The following FBXO38 variants were observed in gnomAD, a reference collection of about 807,000 sequenced individuals.
FBXO38 encodes F-box only protein 38.
A neutral mutation model predicts 131.9 loss-of-function variants in FBXO38; 53 were observed. The observed-to-expected ratio is 0.40, with a 90% CI of 0.32 to 0.51. The LOEUF is 0.51. Among genes scored for constraint, FBXO38 ranks in the 20% least tolerant of loss-of-function variants. FBXO38 has a pLI of 0.53. For missense variants in FBXO38, 1,076 were observed against 1,475.6 expected, an observed-to-expected ratio of 0.73 and a Z score of 4.44; for synonymous variants, 452 against 505.6, an observed-to-expected ratio of 0.89 and a Z score of 1.42.
intron 14 of FBXO38, among the ~76,000 whole-genome samples, chr5:148,426,024 C>T (rs1386097877): frequency 6.6e-6 from 1 of 152,118 alleles, no homozygotes; most frequent in African/African-American, 2.4e-5. Flanking sequence ...GCTGAGTCAT[C>T]CAGAGCAATG....
Position 148,406,193 on chromosome 5 carries a change from C to T in FBXO38, c.731-64C>T, listed in dbSNP as rs1468994739. The T allele has an allele frequency of 3.0e-5, 43 of 1,416,722 alleles. No individual in the cohort carries two copies. The South Asian group carries it at 3.1e-4, about 10-fold the overall frequency. The allele number at this position is 1,416,722 out of a possible 1,614,324, so 87.8% of individuals were successfully genotyped here. On this transcript the variant is annotated intron_variant, in intron 6 of 21. Transcript: ENST00000340253. ...GTTTATAAGTTATACATGTCTTTCA[C>T]TGATTTGAAATTCATTTTAAGGCAC...
At chr5:148,441,780 T>C (rs1754698014) in intron 21 of FBXO38, among the ~76,000 whole-genome samples, 189 bp from the exon 22 acceptor site, 2 of 152,214 alleles carry the variant, frequency 1.3e-5, no homozygotes, top group Admixed American at 1.3e-4. Context: ...CCTTGAGACT[T>C]TAAGCATGTA....
intron 20 of FBXO38, 111 bp from the exon 21 acceptor site, chr5:148,441,013 A>G: frequency 2.7e-6 from 2 of 752,150 alleles, no homozygotes; most frequent in Non-Finnish European, 4.8e-6. Context: ...ATTTGAGGAC[A>G]CCTGACTCAC....
Position 148,427,664 on chromosome 5 carries a change from G to A in FBXO38, c.2370G>A (p.Arg790=). The change falls in exon 15 of 22, where the codon AGG becomes AGA. Residue 790 remains arginine, a synonymous_variant. Transcript: ENST00000340253. ...RPQESQRRTS[R]CSDEERPSTS... is the part of the protein sequence containing the mutation. ...AGGAATCCCAAAGGAGAACTAGCAGGTGTTCTGATGAGGAACGTCCTTCAA... is the reference window on the plus strand; with the variant it reads ...AGGAATCCCAAAGGAGAACTAGCAGATGTTCTGATGAGGAACGTCCTTCAA... The A allele has an allele frequency of 6.2e-7, 1 of 1,614,196 alleles. No individual in the cohort carries two copies. The highest frequency in any genetic ancestry group is 8.5e-7 in the Non-Finnish European group (1 of 1,180,030).
rs753301882 is a variant in FBXO38 at position 148,410,653 on chromosome 5, C to A, written c.981C>A (p.Ile327=). Residue 327 remains isoleucine, a synonymous_variant, in exon 9 of 22, where the codon ATC becomes ATA. Coordinates refer to ENST00000340253, the MANE Select transcript of FBXO38 (RefSeq NM_205836.3). ...TTCACAGGTTACATGAAGTTCGGAT[C>A]CAGCCTTCCCTAACCAAAGATGGTG... is the stretch of plus-strand genomic sequence containing the variant. ...TAARRLHEVR[I]QPSLTKDGVF... 6.2e-7 allele frequency: 1 copy of A among 1,614,046 alleles called. No homozygotes were observed. The highest frequency in any genetic ancestry group is 8.5e-7 in the Non-Finnish European group (1 of 1,179,974).
chr5:148,433,609 A>G, intron 16 of FBXO38, 26 bp from the exon 17 acceptor site: 10 of 1,559,818 alleles, frequency 6.4e-6, no homozygotes, highest in East Asian at 4.5e-5. Context: ...GTATCTTTAT[A>G]TAGTTTCTAA....
chr5:148,387,383 C>T (rs993414052), intron 1 of FBXO38, among the ~76,000 whole-genome samples: 1 of 152,206 alleles, frequency 6.6e-6, no homozygotes, highest in African/African-American at 2.4e-5. Context: ...GCTCTACATC[C>T]GATTGTAGTT....
intron 17 of FBXO38, among the ~76,000 whole-genome samples, chr5:148,437,171 C>T (rs1190835379): frequency 6.6e-6 from 1 of 152,234 alleles, no homozygotes; most frequent in Admixed American, 6.5e-5. Context: ...CCAACCTTCT[C>T]CCCTTTAAAC....
Position 148,402,528 on chromosome 5 carries a change from C to G in FBXO38, c.592+15C>G. On this transcript the variant is annotated intron_variant, in intron 5 of 21. Transcript: ENST00000340253. Reference sequence around the variant, plus strand: ...ACATTTAGTTGGTGAGTACATGTTTCTTGGGTCACTTGTAACTCCTTGAAA... The same window carrying G: ...ACATTTAGTTGGTGAGTACATGTTTGTTGGGTCACTTGTAACTCCTTGAAA... 6.3e-7 allele frequency: 1 copy of G among 1,578,846 alleles called. No individual in the cohort carries two copies. The highest frequency in any genetic ancestry group is 8.6e-7 in the Non-Finnish European group (1 of 1,156,668).
intron 1 of FBXO38, among the ~76,000 whole-genome samples, chr5:148,386,825 T>G (rs1321861180): frequency 6.6e-6 from 1 of 152,184 alleles, no homozygotes; most frequent in South Asian, 2.1e-4. Context: ...GAAGTTATAT[T>G]TTACAATGTA....
chr5:148,414,358 A>G, intron 10 of FBXO38, 52 bp downstream of exon 10: 3 of 1,381,010 alleles, frequency 2.2e-6, no homozygotes, highest in Non-Finnish European at 2.9e-6. Flanking sequence ...GAAATAATAC[A>G]ACTTTCCATG....
At position 148,424,127 on chromosome 5, in the gene FBXO38, T is replaced by G; in HGVS notation, c.1738+10T>G. The G allele has an allele frequency of 6.2e-7, 1 of 1,609,272 alleles. No homozygotes were observed. The highest frequency in any genetic ancestry group is 8.5e-7 in the Non-Finnish European group (1 of 1,177,848). On this transcript the variant is annotated intron_variant, in intron 13 of 21. Transcript: ENST00000340253. ...GATGAGGAACAAGCAGGTAATCATG[T>G]GATCCATCCCACATTCATCATTCTG...
At chr5:148,405,276 T>C (rs1752382367) in intron 6 of FBXO38, among the ~76,000 whole-genome samples, 1 of 152,190 alleles carries the variant, frequency 6.6e-6, no homozygotes, top group Non-Finnish European at 1.5e-5. Flanking sequence ...GCCCACATGA[T>C]GCCCAATACA....
At chr5:148,395,117 A>G (rs1259131510) in intron 2 of FBXO38, among the ~76,000 whole-genome samples, 1 of 152,206 alleles carries the variant, frequency 6.6e-6, no homozygotes, top group Non-Finnish European at 1.5e-5. Context: ...ACAACAGAGT[A>G]TAGACAAAAT....
At chr5:148,430,891 A>G (rs942493996) in intron 15 of FBXO38, 5 of 152,234 alleles carry the variant, frequency 3.3e-5, no homozygotes, top group Admixed American at 6.5e-5. Context: ...TTAGAGAAAT[A>G]TATAATTGGA....
intron 2 of FBXO38, among the ~76,000 whole-genome samples, chr5:148,397,332 G>GA (rs1238764416): frequency 6.6e-6 from 1 of 152,108 alleles, no homozygotes; most frequent in African/African-American, 2.4e-5. Flanking sequence ...ACTTCTTAGG[G>GA]AAAATATGAT....
At chr5:148,388,452 A>G (rs1044504373) in intron 1 of FBXO38, among the ~76,000 whole-genome samples, 1 of 152,190 alleles carries the variant, frequency 6.6e-6, no homozygotes, top group African/African-American at 2.4e-5. Context: ...TATTATTCCA[A>G]TGGAAGGCTG....
intron 12 of FBXO38, among the ~76,000 whole-genome samples, chr5:148,420,952 A>T (rs539117027): frequency 4.0e-5 from 6 of 151,740 alleles, no homozygotes; most frequent in Admixed American, 1.3e-4. Flanking sequence ...CCACTGCACC[A>T]AGCCAAGAAT....
chr5:148,426,949 T>C (rs1161458590), intron 14 of FBXO38, among the ~76,000 whole-genome samples: 1 of 152,036 alleles, frequency 6.6e-6, no homozygotes, highest in African/African-American at 2.4e-5. Context: ...GTAGAATGTA[T>C]ATGGAGGGTA....
Sources: gnomAD v4.1 joint callset for allele counts (sites outside exome capture counted in the v4.1 genomes callset) on GRCh38, gnomAD v4.1.1 for gene constraint, MANE v1.5 for transcripts, NCBI Gene and HGNC (gene_info 2026-07-23, HGNC 2026-07-21) for gene names.